CACNA1E: variants seen among roughly 807,000 people sequenced by gnomAD.
CACNA1E encodes the protein voltage-dependent R-type calcium channel subunit alpha-1E.
In CACNA1E, 40 loss-of-function variants were observed where a neutral mutation model predicts 259.2. The observed-to-expected ratio is 0.15, with a 90% CI of 0.12 to 0.20. The LOEUF is 0.20. Among genes scored for constraint, CACNA1E ranks in the 10% least tolerant of loss-of-function variants. The pLI, the probability that CACNA1E is intolerant of heterozygous loss-of-function variation, is 1.00. For synonymous variants in CACNA1E, 1,104 were observed against 1,138.5 expected, an observed-to-expected ratio of 0.97 and a Z score of 0.61; for missense variants, 1,874 against 3,040.1, an observed-to-expected ratio of 0.62 and a Z score of 9.02.
At chr1:181,769,867 C>T (rs533168511) in intron 35 of CACNA1E, among the ~76,000 whole-genome samples, 2 of 152,264 alleles carry the variant, frequency 1.3e-5, no homozygotes, top group African/African-American at 4.8e-5. Context: ...TGTCAGTGCC[C>T]TCCTGGGGTA....
chr1:181,466,707 T>C (rs1351797957), intron 2 of CACNA1E, among the ~76,000 whole-genome samples: 2 of 152,362 alleles, frequency 1.3e-5, no homozygotes, highest in East Asian at 1.9e-4. Context: ...CAATTCCTCC[T>C]AGGGATTTCC....
intron 7 of CACNA1E, among the ~76,000 whole-genome samples, chr1:181,705,696 T>C (rs1652725779): frequency 6.6e-6 from 1 of 152,172 alleles, no homozygotes; most frequent in Non-Finnish European, 1.5e-5. Flanking sequence ...TAAGGAGAAG[T>C]ATCGGGAATG....
intron 6 of CACNA1E, among the ~76,000 whole-genome samples, chr1:181,641,009 C>G (rs1657696455): frequency 6.6e-6 from 1 of 152,134 alleles, no homozygotes; most frequent in African/African-American, 2.4e-5. Flanking sequence ...AAATAAATGC[C>G]TGAGTGCAGC....
rs765719039 is a variant in CACNA1E, at chr1:181,509,260, G to A, written c.267-1217G>A. 7.9e-5 allele frequency among the ~76,000 whole-genome samples: 12 copies of A among 152,144 alleles called. No homozygotes were observed. In the East Asian group the frequency reaches 9.6e-4, roughly 12 times the overall value. The stretch of plus-strand genomic sequence containing the variant: ...CTTGCCCTCCCCAGAGATGCCCTGG[G>A]TGCTAACTTAACATTGTGTTATTGC... On this transcript the variant is annotated intron_variant, in intron 1 of 47. Transcript: ENST00000367573.
In CACNA1E at chr1:181,616,606, C is replaced by T. The variant is rs12129289; in HGVS notation, c.952-34732C>T. 9.0e-3 allele frequency among the ~76,000 whole-genome samples: 1,361 copies of T among 152,066 alleles called. 18 individuals carry two copies. Among genetic ancestry groups the T allele is most frequent in the Non-Finnish European group, 0.014 (939 of 67,980 alleles). ...GTGCACACCCGTAGTCCCAGCTACT[C>T]GGGAGGCTGAGGCAGGAGAATTGCC... is the stretch of plus-strand genomic sequence containing the variant. On this transcript the variant is annotated intron_variant, in intron 6 of 47. Transcript: ENST00000367573.
At chr1:181,486,100 C>T (rs185708196) in intron 1 of CACNA1E, among the ~76,000 whole-genome samples, 1 of 152,386 alleles carries the variant, frequency 6.6e-6, no homozygotes, top group Non-Finnish European at 1.5e-5. Flanking sequence ...GCCTTTCCAC[C>T]AGGCGTTGCG....
intron 6 of CACNA1E, among the ~76,000 whole-genome samples, chr1:181,587,835 A>ATAGC (rs781090004): frequency 6.6e-5 from 10 of 152,232 alleles, no homozygotes; most frequent in Non-Finnish European, 1.2e-4. Flanking sequence ...GTGAGCCGAG[A>ATAGC]TAGCGCCACT....
chr1:181,780,137 G>A (rs938859577), intron 38 of CACNA1E, among the ~76,000 whole-genome samples: 1 of 152,170 alleles, frequency 6.6e-6, no homozygotes, highest in Non-Finnish European at 1.5e-5. Flanking sequence ...AGGTAAAAGA[G>A]GCATGGATTT....
intron 27 of CACNA1E, 127 bp downstream of exon 27, chr1:181,752,366 C>T: frequency 1.4e-6 from 1 of 696,508 alleles, no homozygotes; most frequent in South Asian, 1.8e-5. Context: ...TATCGAAGTT[C>T]TTTTCATCTG....
upstream of CACNA1E, chr1:181,483,494 C>G: frequency 2.5e-3 from 604 of 238,080 alleles, no homozygotes; most frequent in East Asian, 4.3e-3. Context: ...CTTTTTTTTT[C>G]TTTTTTCTTT....
intron 2 of CACNA1E, among the ~76,000 whole-genome samples, chr1:181,453,877 C>A (rs1661302582): frequency 6.6e-6 from 1 of 152,140 alleles, no homozygotes; most frequent in South Asian, 2.1e-4. Flanking sequence ...AGCCCTTAGC[C>A]CCTGATAGGC....
intron 6 of CACNA1E, among the ~76,000 whole-genome samples, chr1:181,615,260 G>A (rs769283321): frequency 6.6e-5 from 10 of 151,932 alleles, no homozygotes; most frequent in African/African-American, 1.5e-4. Context: ...GTGCGATCTC[G>A]GCTCACTGCA....
intron 6 of CACNA1E, among the ~76,000 whole-genome samples, chr1:181,590,429 ATATATATT>A (rs2103020056): frequency 6.7e-6 from 1 of 148,192 alleles, no homozygotes; most frequent in African/African-American, 2.5e-5. Context: ...ATATATATAT[ATATATATT>A]GTATTTGACT....
At chr1:181,385,049 T>G (rs1655740440) in intron 1 of CACNA1E, among the ~76,000 whole-genome samples, 1 of 152,208 alleles carries the variant, frequency 6.6e-6, no homozygotes, top group East Asian at 1.9e-4. Flanking sequence ...AGATGGATTT[T>G]GGGAATATCA....
intron 1 of CACNA1E, among the ~76,000 whole-genome samples, chr1:181,344,997 G>T (rs962577289): frequency 2.8e-4 from 42 of 152,200 alleles, no homozygotes; most frequent in Admixed American, 1.9e-3. Flanking sequence ...TCAGAAAAGG[G>T]TGATCCAGGC....
At chr1:181,498,277 GA>G (rs1664947669) in intron 1 of CACNA1E, among the ~76,000 whole-genome samples, 1 of 152,180 alleles carries the variant, frequency 6.6e-6, no homozygotes, top group South Asian at 2.1e-4. Flanking sequence ...GACTATAGAA[GA>G]GGCTTATAGT....
chr1:181,631,268 C>T (rs1318095149), intron 6 of CACNA1E, among the ~76,000 whole-genome samples: 1 of 152,180 alleles, frequency 6.6e-6, no homozygotes, highest in Non-Finnish European at 1.5e-5. Flanking sequence ...TGAGAATAGA[C>T]TTACTCTGGA....
intron 1 of CACNA1E, among the ~76,000 whole-genome samples, chr1:181,329,367 G>A (rs545438778): frequency 2.0e-5 from 3 of 152,196 alleles, no homozygotes; most frequent in East Asian, 1.9e-4. Context: ...TGATCTTGAA[G>A]CATAAACATG....
chr1:181,783,647 T>TTTTG, intron 39 of CACNA1E, 32 bp from the exon 40 acceptor site: 14 of 1,193,658 alleles, frequency 1.2e-5, no homozygotes, highest in South Asian at 4.1e-5. Context: ...TTTTTTTTTT[T>TTTTG]GCCTGCTGTT....
Sources: gnomAD v4.1 joint callset for allele counts (sites outside exome capture counted in the v4.1 genomes callset) on GRCh38, gnomAD v4.1.1 for gene constraint, MANE v1.5 for transcripts, NCBI Gene and HGNC (gene_info 2026-07-23, HGNC 2026-07-21) for gene names.